The following ROBO1 variants were observed in gnomAD, a reference collection of about 807,000 sequenced individuals.
ROBO1 encodes roundabout guidance receptor 1.
Under a neutral mutation model 195.9 loss-of-function variants are expected in ROBO1, and 149 were observed. The ratio of observed to expected loss-of-function variants is 0.76; its 90% CI spans 0.67 to 0.87. The LOEUF (loss-of-function observed/expected upper bound fraction) is 0.87. Among genes scored for constraint, ROBO1 ranks in the 40% least tolerant of loss-of-function variants. The pLI is 0.00. For missense variants in ROBO1, 1,933 were observed against 2,068.3 expected, an observed-to-expected ratio of 0.93 and a Z score of 1.27; for synonymous variants, 816 against 733.2, an observed-to-expected ratio of 1.11 and a Z score of -1.82.
chr3:78,677,637 A>T (rs920438787), intron 10 of ROBO1, among the ~76,000 whole-genome samples: 51 of 151,740 alleles, frequency 3.4e-4, no homozygotes, highest in Non-Finnish European at 3.8e-4. Flanking sequence ...TCCTAAATAT[A>T]TATGCACCCA....
At chr3:78,779,051 A>G (rs1345411491) in intron 4 of ROBO1, among the ~76,000 whole-genome samples, 2 of 152,322 alleles carry the variant, frequency 1.3e-5, no homozygotes, top group African/African-American at 2.4e-5. Context: ...CGGGCAAGCC[A>G]TATGCAGAAA....
At chr3:79,435,020 A>C (rs2038833978) in intron 2 of ROBO1, among the ~76,000 whole-genome samples, 2 of 152,192 alleles carry the variant, frequency 1.3e-5, no homozygotes, top group East Asian at 1.9e-4. Context: ...CAATGAGAAC[A>C]CTTGGACACA....
chr3:79,652,508 A>G (rs1946040638), intron 1 of ROBO1, among the ~76,000 whole-genome samples: 1 of 152,116 alleles, frequency 6.6e-6, no homozygotes, highest in Non-Finnish European at 1.5e-5. Context: ...GTTTTGTGCA[A>G]TTATAATTGT....
intron 2 of ROBO1, among the ~76,000 whole-genome samples, chr3:79,439,587 A>T (rs2038989788): frequency 6.6e-6 from 1 of 152,120 alleles, no homozygotes; most frequent in Admixed American, 6.6e-5. Context: ...ACCAACTGGC[A>T]TACACTAGAA....
intron 3 of ROBO1, among the ~76,000 whole-genome samples, chr3:79,091,063 G>C (rs1362598223): frequency 6.6e-6 from 1 of 152,074 alleles, no homozygotes; most frequent in Non-Finnish European, 1.5e-5. Context: ...ATCAGCTGCA[G>C]GTCTTCAGAT....
chr3:79,564,068 T>C (rs1943013270), intron 2 of ROBO1, among the ~76,000 whole-genome samples: 1 of 151,064 alleles, frequency 6.6e-6, no homozygotes, highest in Non-Finnish European at 1.5e-5. Flanking sequence ...TGGATGACAG[T>C]TTGAAAAGAC....
At chr3:79,121,951 C>T (rs1252634220) in intron 3 of ROBO1, among the ~76,000 whole-genome samples, 3 of 151,850 alleles carry the variant, frequency 2.0e-5, no homozygotes, top group Admixed American at 6.6e-5. Flanking sequence ...GTGTCCTTGT[C>T]TAAAGTTTTT....
intron 2 of ROBO1, among the ~76,000 whole-genome samples, chr3:79,573,919 G>T (rs1339372178): frequency 1.3e-5 from 2 of 151,984 alleles, no homozygotes; most frequent in Non-Finnish European, 2.9e-5. Context: ...ATGGAATTTG[G>T]CTTTGTTTGG....
At chr3:79,748,136 T>G in intron 1 of ROBO1, among the ~76,000 whole-genome samples, 1 of 152,280 alleles carries the variant, frequency 6.6e-6, no homozygotes, top group Middle Eastern at 3.4e-3. Context: ...AATTTTTACA[T>G]AAATTATTTC....
chr3:79,194,454 G>A (rs2081595155), intron 2 of ROBO1, among the ~76,000 whole-genome samples: 1 of 151,552 alleles, frequency 6.6e-6, no homozygotes, highest in African/African-American at 2.4e-5. Flanking sequence ...ACTTTTTAAT[G>A]CTATTACAAT....
chr3:78,685,438 A>C (rs1379904714), intron 10 of ROBO1, among the ~76,000 whole-genome samples: 1 of 149,252 alleles, frequency 6.7e-6, no homozygotes, highest in Non-Finnish European at 1.5e-5. Flanking sequence ...GGCAATTTAC[A>C]CTAAGATATT....
intron 3 of ROBO1, among the ~76,000 whole-genome samples, chr3:78,943,155 A>T (rs1052017962): frequency 6.6e-6 from 1 of 151,888 alleles, no homozygotes; most frequent in Admixed American, 6.6e-5. Context: ...GGCGGAGCTT[A>T]CAGTGAGCCA....
chr3:78,747,399 T>C (rs2082683394), intron 4 of ROBO1, among the ~76,000 whole-genome samples: 2 of 152,208 alleles, frequency 1.3e-5, no homozygotes, highest in South Asian at 4.1e-4. Flanking sequence ...ATAAAATTAA[T>C]GTATAAGGTT....
At chr3:78,803,071 G>A (rs1282330057) in intron 4 of ROBO1, among the ~76,000 whole-genome samples, 1 of 152,094 alleles carries the variant, frequency 6.6e-6, no homozygotes, top group Non-Finnish European at 1.5e-5. Flanking sequence ...TAACTCCAAT[G>A]GGAGAAAATT....
intron 2 of ROBO1, among the ~76,000 whole-genome samples, chr3:79,362,070 GT>G (rs2035791819): frequency 6.6e-6 from 1 of 151,954 alleles, no homozygotes; most frequent in African/African-American, 2.4e-5. Flanking sequence ...TAGGATGTAT[GT>G]TGACTTCGTA....
chr3:79,564,045 AC>A (rs966774886), intron 2 of ROBO1, among the ~76,000 whole-genome samples: 1 of 151,658 alleles, frequency 6.6e-6, no homozygotes, highest in Non-Finnish European at 1.5e-5. Flanking sequence ...TAAAAAAAAA[AC>A]ATAATGAAAG....
chr3:78,859,417 A>G (rs2034649640), intron 4 of ROBO1, among the ~76,000 whole-genome samples: 1 of 152,202 alleles, frequency 6.6e-6, no homozygotes. Context: ...GGCTGCACGT[A>G]GGCACTCAAA....
At chr3:79,156,054 A>G (rs952018405) in intron 2 of ROBO1, among the ~76,000 whole-genome samples, 1 of 151,706 alleles carries the variant, frequency 6.6e-6, no homozygotes, top group Non-Finnish European at 1.5e-5. Context: ...GCTTTTCCAG[A>G]GGGTCGTTCA....
intron 1 of ROBO1, among the ~76,000 whole-genome samples, chr3:79,744,921 T>C (rs1425823749): frequency 6.6e-6 from 1 of 151,886 alleles, no homozygotes; most frequent in Non-Finnish European, 1.5e-5. Flanking sequence ...AGAATATATA[T>C]ATAAAAACAT....
Sources: allele counts gnomAD v4.1 joint callset (sites outside exome capture counted in the v4.1 genomes callset), GRCh38; gene constraint gnomAD v4.1.1; transcripts MANE v1.5; gene names NCBI Gene and HGNC (gene_info 2026-07-23, HGNC 2026-07-21).